Variants in AAK1 observed in about 807,000 individuals in gnomAD.
AAK1 encodes the protein AP2 associated kinase 1.
A neutral mutation model predicts 116.0 loss-of-function variants in AAK1; 37 were observed. That is an observed-to-expected ratio of 0.32 (90% CI 0.25 to 0.42). AAK1 has a LOEUF of 0.42. Ranked by LOEUF, AAK1 falls within the 10% of genes least tolerant of loss-of-function variation. The pLI is 1.00. For synonymous variants in AAK1, 458 were observed against 439.9 expected (o/e 1.04, Z -0.51); for missense variants, 919 against 1,170.6 (o/e 0.79, Z 3.14).
rs1218842169 is a variant in AAK1, at chr2:69,496,076, T to C, written c.2274A>G (p.Glu758=). 3 of 1,553,560 alleles carry C rather than the reference T, an allele frequency of 1.9e-6. No homozygotes were observed. Among genetic ancestry groups the C allele is most frequent in the East Asian group, 2.4e-5 (1 of 41,152 alleles). Residue 758 remains glutamate, a synonymous_variant, in exon 17 of 22, where the codon GAA becomes GAG. Coordinates refer to ENST00000409085, the MANE Select transcript of AAK1 (RefSeq NM_014911.5). ...CCACAGTCTGCCCACCCTTCCTTTTTTCAGCTGGAGTTAGGTTGGAGGGGA... is the reference window on the plus strand; with the variant it reads ...CCACAGTCTGCCCACCCTTCCTTTTCTCAGCTGGAGTTAGGTTGGAGGGGA... The part of the protein sequence containing the change: ...ATTSFSAGTA[E]KRKGGQTVDS...
At chr2:69,580,204 C>T (rs1402011364) in intron 2 of AAK1, among the ~76,000 whole-genome samples, 1 of 152,228 alleles carries the variant, frequency 6.6e-6, no homozygotes, top group Non-Finnish European at 1.5e-5. Context: ...TCTTAGTGTA[C>T]TCTCAGAACA....
At chr2:69,581,282 T>A (rs1428158050) in intron 2 of AAK1, among the ~76,000 whole-genome samples, 1 of 152,060 alleles carries the variant, frequency 6.6e-6, no homozygotes, top group Non-Finnish European at 1.5e-5. Flanking sequence ...CCCAGCTAAT[T>A]TTTGTATTTT....
chr2:69,619,163 G>A (rs1320970374), intron 2 of AAK1, among the ~76,000 whole-genome samples: 3 of 152,100 alleles, frequency 2.0e-5, no homozygotes, highest in Non-Finnish European at 4.4e-5. Flanking sequence ...TGTCCATCCT[G>A]GCTTGGGTCC....
At chr2:69,582,388 TGTGTGTGTGCGTGTGTGTGC>T (rs1004202744) in intron 2 of AAK1, among the ~76,000 whole-genome samples, 2 of 150,646 alleles carry the variant, frequency 1.3e-5, no homozygotes, top group African/African-American at 2.5e-5. Flanking sequence ...TGTGTGCACG[TGTGTGTGTGCGTGTGTGTGC>T]GCGTGTGTGT....
chr2:69,515,460 G>C (rs1293639006), intron 12 of AAK1, among the ~76,000 whole-genome samples: 1 of 151,754 alleles, frequency 6.6e-6, no homozygotes, highest in Non-Finnish European at 1.5e-5. Flanking sequence ...TAAGTACCTG[G>C]TATCACAGGT....
chr2:69,514,276 T>TA (rs1676499295), intron 13 of AAK1, among the ~76,000 whole-genome samples, 195 bp downstream of exon 13: 2 of 152,128 alleles, frequency 1.3e-5, no homozygotes, highest in Admixed American at 1.3e-4. Flanking sequence ...AATCCTTTTT[T>TA]AAAAAAACCT....
intron 2 of AAK1, among the ~76,000 whole-genome samples, chr2:69,625,135 T>G (rs956321417): frequency 3.3e-5 from 5 of 152,210 alleles, no homozygotes; most frequent in African/African-American, 9.6e-5. Flanking sequence ...AACCCACGTA[T>G]CTTGATCTCA....
At chr2:69,529,887 T>C (rs1670182298) in intron 8 of AAK1, 121 bp downstream of exon 8, 1 of 910,592 alleles carries the variant, frequency 1.1e-6, no homozygotes, top group Admixed American at 3.3e-5. Context: ...CCAATCATTA[T>C]CAACTAATTT....
At chr2:69,485,912 G>A (rs182207213) in intron 17 of AAK1, among the ~76,000 whole-genome samples, 1 of 151,650 alleles carries the variant, frequency 6.6e-6, no homozygotes, top group Admixed American at 6.6e-5. Flanking sequence ...ACCCACCTTG[G>A]CCTCCCAAAG....
At chr2:69,599,534 C>T (rs1673464527) in intron 2 of AAK1, among the ~76,000 whole-genome samples, 1 of 152,118 alleles carries the variant, frequency 6.6e-6, no homozygotes, top group Non-Finnish European at 1.5e-5. Flanking sequence ...AATGTTATGA[C>T]AGTTTCAATA....
chr2:69,628,668 T>G (rs1559016261), intron 2 of AAK1, among the ~76,000 whole-genome samples: 1 of 152,232 alleles, frequency 6.6e-6, no homozygotes. Flanking sequence ...ATAACCCATT[T>G]GATGTTATAC....
chr2:69,546,404 G>A (rs554364094), intron 3 of AAK1, among the ~76,000 whole-genome samples: 2 of 152,208 alleles, frequency 1.3e-5, no homozygotes, highest in East Asian at 3.9e-4. Context: ...CCTTCCCTCT[G>A]CTTTCCCATC....
chr2:69,585,979 T>A (rs1184599457), intron 2 of AAK1, among the ~76,000 whole-genome samples: 1 of 152,078 alleles, frequency 6.6e-6, no homozygotes, highest in African/African-American at 2.4e-5. Flanking sequence ...CCACCTTCCC[T>A]CTGGCACCAC....
chr2:69,632,755 C>T (rs1429646701), intron 2 of AAK1, among the ~76,000 whole-genome samples: 2 of 151,808 alleles, frequency 1.3e-5, no homozygotes, highest in Non-Finnish European at 2.9e-5. Flanking sequence ...AAAAAAAAGC[C>T]GGGCACGGTG....
rs1440956691 is a variant in AAK1, at chr2:69,474,887, C to T, written c.*982G>A. 103 of 985,584 alleles carry T rather than the reference C, an allele frequency of 1.0e-4. No individual in the cohort carries two copies. Among genetic ancestry groups the T allele is most frequent in the Non-Finnish European group, 1.2e-4 (97 of 829,864 alleles). The allele number at this position is 985,584 out of a possible 1,614,324, so 61.1% of individuals were successfully genotyped here. On this transcript the variant is annotated 3_prime_UTR_variant, in exon 22 of 22. Transcript: ENST00000409085. ...GAACTATTCAGCATCTTCATTTATA[C>T]ACAATTTACAATATTTGATTCAAAA...
chr2:69,531,239 G>A (rs1440318865), intron 6 of AAK1, among the ~76,000 whole-genome samples: 3 of 152,142 alleles, frequency 2.0e-5, no homozygotes, highest in East Asian at 3.8e-4. Flanking sequence ...GTATAAGCAC[G>A]TCCTCGAAGT....
intron 8 of AAK1, among the ~76,000 whole-genome samples, chr2:69,527,920 C>A (rs748141376): frequency 2.0e-5 from 3 of 152,176 alleles, no homozygotes; most frequent in Non-Finnish European, 2.9e-5. Context: ...GAGAAGACCA[C>A]AAACATACAC....
In AAK1 at chr2:69,464,345, T is replaced by A. The variant is rs1435149547; in HGVS notation, c.*11524A>T. 3 of 152,206 alleles carry A rather than the reference T, an allele frequency of 2.0e-5. No homozygotes were observed. Among genetic ancestry groups the A allele is most frequent in the Non-Finnish European group, 2.9e-5 (2 of 68,042 alleles). The allele number at this position is 152,206 out of a possible 1,614,324, so 9.4% of individuals were successfully genotyped here. Reference sequence around the variant, plus strand: ...GGAACTGTAACAAGGTGCTCTTTTCTAGTGTTGTAAGGGGAAAATGTATAA... The same window carrying A: ...GGAACTGTAACAAGGTGCTCTTTTCAAGTGTTGTAAGGGGAAAATGTATAA... On this transcript the variant is annotated 3_prime_UTR_variant, in exon 22 of 22. Coordinates refer to ENST00000409085, the MANE Select transcript of AAK1 (RefSeq NM_014911.5).
intron 9 of AAK1, among the ~76,000 whole-genome samples, chr2:69,525,424 TCTC>T (rs1351965294): frequency 6.6e-6 from 1 of 152,192 alleles, no homozygotes; most frequent in African/African-American, 2.4e-5. Flanking sequence ...TCAGTACCCT[TCTC>T]CTCCTATAGC....
Sources: gnomAD v4.1 joint callset for allele counts (sites outside exome capture counted in the v4.1 genomes callset) on GRCh38, gnomAD v4.1.1 for gene constraint, MANE v1.5 for transcripts, NCBI Gene and HGNC (gene_info 2026-07-23, HGNC 2026-07-21) for gene names.